The following INTS4 variants were observed in gnomAD, a reference collection of about 807,000 sequenced individuals.
The protein encoded by INTS4 is MSTP093.
INTS4 carries 70 observed loss-of-function variants against 119.5 expected under a neutral mutation model. The ratio of observed to expected loss-of-function variants is 0.59; its 90% CI spans 0.48 to 0.71. INTS4 has a LOEUF of 0.71. INTS4 is among the 30% of genes least tolerant of loss of function. The pLI, the probability that INTS4 is intolerant of heterozygous loss-of-function variation, is 0.00. For synonymous variants in INTS4, 316 were observed against 419.6 expected (o/e 0.75, Z 3.02); for missense variants, 867 against 1,173.2 (o/e 0.74, Z 3.81).
intron 9 of INTS4, 106 bp downstream of exon 9, chr11:77,941,074 A>G (rs1398656544): frequency 1.4e-6 from 2 of 1,444,292 alleles, no homozygotes; most frequent in African/African-American, 2.9e-5. Context: ...TACAGTTATC[A>G]TGTTAATTTA....
intron 8 of INTS4, among the ~76,000 whole-genome samples, chr11:77,942,269 G>C (rs1016825655): frequency 1.3e-5 from 2 of 152,158 alleles, no homozygotes; most frequent in Non-Finnish European, 1.5e-5. Flanking sequence ...TGGGAACGGA[G>C]AGAACAAGCA....
chr11:77,962,537 T>C (rs1855281293), intron 4 of INTS4, among the ~76,000 whole-genome samples: 1 of 152,116 alleles, frequency 6.6e-6, no homozygotes, highest in South Asian at 2.1e-4. Flanking sequence ...TTTGAAGAAA[T>C]GAGGTAATAA....
intron 21 of INTS4, among the ~76,000 whole-genome samples, chr11:77,889,527 C>T (rs1405004958): frequency 6.6e-6 from 1 of 151,866 alleles, no homozygotes; most frequent in Non-Finnish European, 1.5e-5. Flanking sequence ...GCACATGTAC[C>T]CTAAAACTTA....
At chr11:77,952,625 CA>C (rs746724727) in intron 8 of INTS4, among the ~76,000 whole-genome samples, 4 of 151,934 alleles carry the variant, frequency 2.6e-5, no homozygotes, top group Non-Finnish European at 4.4e-5. Context: ...TTTCTGAATA[CA>C]AACATAATTA....
intron 14 of INTS4, among the ~76,000 whole-genome samples, chr11:77,920,709 G>C (rs1391568615): frequency 6.6e-6 from 1 of 151,670 alleles, no homozygotes; most frequent in Non-Finnish European, 1.5e-5. Context: ...AAAATTAGCC[G>C]GGCGTGGTGG....
rs1299938765 is a variant in INTS4 at position 77,922,367 on chromosome 11, TC to T, written c.1618del (p.Asp540MetfsTer48). ...PFFDTAEPDM[D>X]DPAYIAVLVL... ...AGCACAGAGGATACAAGCTGGATCA[TC>T]CATGTCTGGTTCAGCTGTGTCAAAA... On this transcript the variant is annotated frameshift_variant, in exon 13 of 23. Coordinates refer to ENST00000534064, the MANE Select transcript of INTS4 (RefSeq NM_033547.4). LOFTEE classifies it high-confidence loss of function. 6.9e-7 allele frequency: 1 copy of T among 1,457,968 alleles called. No individual in the cohort carries two copies. The highest frequency in any genetic ancestry group is 9.1e-7 in the Non-Finnish European group (1 of 1,103,398). The allele number at this position is 1,457,968 out of a possible 1,614,324, so 90.3% of individuals were successfully genotyped here. A position where few individuals can be genotyped will look rare whatever the true frequency, so the allele number is the denominator to read the frequency against.
chr11:77,906,238 T>G (rs968525119), intron 16 of INTS4, among the ~76,000 whole-genome samples: 1 of 152,200 alleles, frequency 6.6e-6, no homozygotes, highest in Non-Finnish European at 1.5e-5. Flanking sequence ...TATTTTGTCA[T>G]GTTGTTGTAT....
chr11:77,983,832 A>C (rs1856341564), intron 2 of INTS4, among the ~76,000 whole-genome samples: 1 of 152,194 alleles, frequency 6.6e-6, no homozygotes, highest in Non-Finnish European at 1.5e-5. Context: ...GTGGCTCCTC[A>C]AAAAATTAAT....
At chr11:77,968,272 T>A (rs1413559726) in intron 4 of INTS4, among the ~76,000 whole-genome samples, 1 of 152,220 alleles carries the variant, frequency 6.6e-6, no homozygotes, top group Non-Finnish European at 1.5e-5. Context: ...GAAAATGGCA[T>A]GATTTCTCCA....
At chr11:77,924,150 T>G (rs990579053) in intron 12 of INTS4, among the ~76,000 whole-genome samples, 34 of 149,998 alleles carry the variant, frequency 2.3e-4, no homozygotes, top group African/African-American at 7.8e-4. Context: ...ATCCCAGCAC[T>G]TTGGGAGGCC....
chr11:77,900,889 C>T (rs1225836192), intron 18 of INTS4: 1 of 453,506 alleles, frequency 2.2e-6, no homozygotes, highest in Non-Finnish European at 3.9e-6. Flanking sequence ...ATTTATTCTT[C>T]ATAGAAATGC....
chr11:77,979,461 C>A (rs138803349), intron 3 of INTS4, among the ~76,000 whole-genome samples: 1 of 151,604 alleles, frequency 6.6e-6, no homozygotes, highest in South Asian at 2.1e-4. Flanking sequence ...GGCAACAGAG[C>A]GAGACCCAGT....
At chr11:77,963,433 G>A (rs1334030064) in intron 4 of INTS4, 1 of 415,576 alleles carries the variant, frequency 2.4e-6, no homozygotes, top group East Asian at 7.5e-5. Flanking sequence ...AAAAAAAATT[G>A]CTAAGTGTCT....
intron 2 of INTS4, among the ~76,000 whole-genome samples, 161 bp from the exon 3 acceptor site, chr11:77,981,737 TC>T (rs1313416527): frequency 7.8e-6 from 1 of 128,520 alleles, no homozygotes; most frequent in African/African-American, 3.0e-5. Context: ...GAGACAGCTT[TC>T]TTTTATTTAT....
chr11:77,993,776 TA>T (rs1443623915), intron 1 of INTS4, among the ~76,000 whole-genome samples: 6 of 152,214 alleles, frequency 3.9e-5, no homozygotes, highest in African/African-American at 1.4e-4. Context: ...TGCACTGGTG[TA>T]AATTTGGGGG....
chr11:77,986,602 G>A (rs182584215), intron 2 of INTS4, among the ~76,000 whole-genome samples: 40 of 152,232 alleles, frequency 2.6e-4, no homozygotes, highest in Admixed American at 2.0e-3. Context: ...GTCCACCAAC[G>A]ATAGACTGGA....
chr11:77,889,242 G>T (rs1169584631), intron 21 of INTS4, among the ~76,000 whole-genome samples: 1 of 152,048 alleles, frequency 6.6e-6, no homozygotes, highest in South Asian at 2.1e-4. Context: ...ATACTATGCA[G>T]CCATAAAAAA....
intron 15 of INTS4, among the ~76,000 whole-genome samples, 166 bp downstream of exon 15, chr11:77,918,655 T>C (rs1591054373): frequency 6.6e-6 from 1 of 152,164 alleles, no homozygotes; most frequent in Non-Finnish European, 1.5e-5. Flanking sequence ...TTAAAAAATA[T>C]GTTCAAACCA....
At chr11:77,911,071 T>C (rs1447822362) in intron 15 of INTS4, 5 of 1,287,828 alleles carry the variant, frequency 3.9e-6, no homozygotes, top group East Asian at 1.1e-4. Context: ...ACTATGACAC[T>C]TCCTCCCATC....
Sources: gnomAD v4.1 joint callset for allele counts (sites outside exome capture counted in the v4.1 genomes callset) on GRCh38, gnomAD v4.1.1 for gene constraint, MANE v1.5 for transcripts, NCBI Gene and HGNC (gene_info 2026-07-23, HGNC 2026-07-21) for gene names.